Variants in DNAAF11 observed in about 807,000 individuals in gnomAD.
DNAAF11 encodes dynein axonemal assembly factor 11, also known as leucine rich repeat containing 6.
DNAAF11 carries 45 observed loss-of-function variants against 60.8 expected under a neutral mutation model. The observed-to-expected ratio is 0.74, with a 90% CI of 0.58 to 0.95. DNAAF11 has a LOEUF of 0.95. Among genes scored for constraint, DNAAF11 ranks in the 40% least tolerant of loss-of-function variants. DNAAF11 has a pLI of 0.00. For missense variants in DNAAF11, 546 were observed against 546.2 expected, an observed-to-expected ratio of 1.00 and a Z score of 0.00; for synonymous variants, 191 against 183.5, an observed-to-expected ratio of 1.04 and a Z score of -0.33.
intron 1 of DNAAF11, among the ~76,000 whole-genome samples, chr8:132,669,773 T>C (rs1263995897): frequency 6.6e-6 from 1 of 151,862 alleles, no homozygotes; most frequent in African/African-American, 2.4e-5. Context: ...TTTTTTAAAT[T>C]TGGGCATAAG....
intron 5 of DNAAF11, among the ~76,000 whole-genome samples, chr8:132,629,023 A>T (rs1820546481): frequency 6.6e-6 from 1 of 152,236 alleles, no homozygotes; most frequent in Admixed American, 6.5e-5. Context: ...AAATCAATGG[A>T]GCAATGCATT....
chr8:132,599,201 A>G (rs1466206314), intron 10 of DNAAF11, among the ~76,000 whole-genome samples: 1 of 152,198 alleles, frequency 6.6e-6, no homozygotes, highest in Admixed American at 6.5e-5. Flanking sequence ...CTGGACATAT[A>G]CACCACCCCA....
intron 10 of DNAAF11, among the ~76,000 whole-genome samples, chr8:132,589,436 T>C (rs1220506399): frequency 1.3e-5 from 2 of 152,150 alleles, no homozygotes; most frequent in Non-Finnish European, 1.5e-5. Context: ...AGCTCAAGAG[T>C]AGTATTTTAC....
At chr8:132,675,030 C>G (rs1825651534) in intron 1 of DNAAF11, among the ~76,000 whole-genome samples, 1 of 152,222 alleles carries the variant, frequency 6.6e-6, no homozygotes, top group Non-Finnish European at 1.5e-5. Flanking sequence ...AGGACTTCAA[C>G]CCTGGCTCCA....
At chr8:132,595,794 T>A (rs910951462) in intron 10 of DNAAF11, among the ~76,000 whole-genome samples, 2 of 152,122 alleles carry the variant, frequency 1.3e-5, no homozygotes, top group African/African-American at 4.8e-5. Context: ...TAAAAGGGCA[T>A]TCTGGCTTCT....
intron 10 of DNAAF11, among the ~76,000 whole-genome samples, chr8:132,598,143 G>A: frequency 6.6e-6 from 1 of 152,142 alleles, no homozygotes; most frequent in East Asian, 1.9e-4. Flanking sequence ...GATGTTCAAA[G>A]TATTCAACAC....
At chr8:132,645,538 A>C (rs13262585) in intron 3 of DNAAF11, among the ~76,000 whole-genome samples, 12,822 of 152,172 alleles carry the variant, frequency 0.084, 662 homozygotes, top group African/African-American at 0.11. Context: ...TAATAACAAA[A>C]TTCTCTGAGC....
rs117580406 is a variant in DNAAF11 at position 132,637,144 on chromosome 8, C to T, written c.429+791G>A. ...GGGGATATGGTATAAGAGTAACATA[C>T]GCAGTAGTGGTTGTCAAATGAGGTT... On this transcript the variant is annotated intron_variant, in intron 4 of 11. Coordinates refer to ENST00000620350, the MANE Select transcript of DNAAF11 (RefSeq NM_012472.6). Among the ~76,000 whole-genome samples, 1,439 of 152,280 alleles carry T rather than the reference C, an allele frequency of 9.4e-3. 7 individuals carry two copies. Among genetic ancestry groups the T allele is most frequent in the Admixed American group, 0.013 (201 of 15,304 alleles).
At chr8:132,603,096 A>G (rs1244676540) in intron 10 of DNAAF11, among the ~76,000 whole-genome samples, 1 of 152,116 alleles carries the variant, frequency 6.6e-6, no homozygotes, top group Non-Finnish European at 1.5e-5. Flanking sequence ...TGGTCACTGA[A>G]GGATTCTTTT....
chr8:132,606,336 C>A (rs954870959), intron 10 of DNAAF11, among the ~76,000 whole-genome samples: 4 of 152,030 alleles, frequency 2.6e-5, no homozygotes, highest in African/African-American at 7.3e-5. Context: ...ATAATGTTGT[C>A]CCTGAAGACC....
chr8:132,649,006 A>G (rs1418073923), intron 3 of DNAAF11, among the ~76,000 whole-genome samples: 5 of 152,220 alleles, frequency 3.3e-5, no homozygotes, highest in Non-Finnish European at 7.3e-5. Flanking sequence ...ATTGGAAAAA[A>G]CTACTTTTTT....
Position 132,656,903 on chromosome 8 carries a change from A to C in DNAAF11, c.183T>G (p.Asn61Lys), listed in dbSNP as rs771236508. 8.0e-7 allele frequency: 1 copy of C among 1,244,534 alleles called. No homozygotes were observed. The highest frequency in any genetic ancestry group is 1.5e-5 in the African/African-American group (1 of 66,308). 77.1% of individuals were successfully genotyped at this position (1,244,534 alleles called of 1,614,324 possible). The stretch of plus-strand genomic sequence containing the variant: ...ATTCAAGTTTCTTGAGTTTGCTAAC[A>C]TTTTCTGAAATACAAGATAATGTAG... ...LQNNLIGKIENVSKLKKLEYL... is the reference protein window; with the variant it reads ...LQNNLIGKIEKVSKLKKLEYL... The change falls in exon 3 of 12, where the codon AAT (asparagine) becomes AAG (lysine). Residue 61 changes from asparagine (N) to lysine (K), a missense_variant. Physicochemically the swap from Asn to Lys is moderately conservative, Grantham distance 94 (BLOSUM62 0). Coordinates refer to ENST00000620350, the MANE Select transcript of DNAAF11 (RefSeq NM_012472.6).
At position 132,572,107 on chromosome 8, in the gene DNAAF11, GAGTT is replaced by G. The variant is rs1465730821; in HGVS notation, c.*195_*198del. 3 of 429,236 alleles carry G rather than the reference GAGTT, an allele frequency of 7.0e-6. No individual in the cohort carries two copies. Among genetic ancestry groups the G allele is most frequent in the African/African-American group, 6.1e-5 (3 of 49,444 alleles). The allele number at this position is 429,236 out of a possible 1,614,324, so 26.6% of individuals were successfully genotyped here. On this transcript the variant is annotated 3_prime_UTR_variant, in exon 12 of 12. Coordinates refer to ENST00000620350, the MANE Select transcript of DNAAF11 (RefSeq NM_012472.6). ...CAACCCTTTATTATAGGTAAATGAT[GAGTT>G]ATAGCATTTAAGACATACATTTTAA...
chr8:132,700,231 G>A, the DNAAF11 span, among the ~76,000 whole-genome samples: 2 of 152,106 alleles, frequency 1.3e-5, no homozygotes, highest in African/African-American at 4.8e-5. Context: ...AGAGATTGTT[G>A]GGAAAGGCAG....
chr8:132,701,977 G>A, the DNAAF11 span, among the ~76,000 whole-genome samples: 4 of 152,154 alleles, frequency 2.6e-5, no homozygotes, highest in African/African-American at 9.7e-5. Flanking sequence ...GTTGGCCTTG[G>A]CTATTCTTGA....
chr8:132,620,891 T>G (rs1483744419), intron 7 of DNAAF11, among the ~76,000 whole-genome samples: 1 of 152,138 alleles, frequency 6.6e-6, no homozygotes, highest in Non-Finnish European at 1.5e-5. Flanking sequence ...GTGGCTGAGC[T>G]GAGCTGGAGA....
intron 10 of DNAAF11, among the ~76,000 whole-genome samples, chr8:132,598,794 T>C (rs974230728): frequency 1.3e-5 from 2 of 152,230 alleles, no homozygotes; most frequent in Non-Finnish European, 2.9e-5. Flanking sequence ...GGGAAATTTA[T>C]AGCACTGAAT....
At chr8:132,645,694 T>A (rs918315877) in intron 3 of DNAAF11, among the ~76,000 whole-genome samples, 1 of 152,024 alleles carries the variant, frequency 6.6e-6, no homozygotes, top group African/African-American at 2.4e-5. Flanking sequence ...AAGTGATGCA[T>A]GTACAAGCTT....
intron 1 of DNAAF11, among the ~76,000 whole-genome samples, chr8:132,674,080 AGCAG>A (rs1825458550): frequency 1.3e-5 from 2 of 149,584 alleles, no homozygotes; most frequent in African/African-American, 4.9e-5. Context: ...GAGGAGGAGG[AGCAG>A]GAGGAGGAGG....
Sources: allele counts gnomAD v4.1 joint callset (sites outside exome capture counted in the v4.1 genomes callset), GRCh38; gene constraint gnomAD v4.1.1; transcripts MANE v1.5; gene names NCBI Gene and HGNC (gene_info 2026-07-23, HGNC 2026-07-21).